The following SIPA1L3 variants were observed in gnomAD, a reference collection of about 807,000 sequenced individuals.
SIPA1L3 encodes the protein signal induced proliferation associated 1 like 3.
A neutral mutation model predicts 150.1 loss-of-function variants in SIPA1L3; 59 were observed. That is an observed-to-expected ratio of 0.39 (90% CI 0.32 to 0.49). The LOEUF is 0.49. SIPA1L3 is among the 20% of genes least tolerant of loss of function. The pLI, the probability that SIPA1L3 is intolerant of heterozygous loss-of-function variation, is 0.86. For synonymous variants in SIPA1L3, 1,070 were observed against 1,077.6 expected, an observed-to-expected ratio of 0.99 and a Z score of 0.14; for missense variants, 2,211 against 2,489.5, an observed-to-expected ratio of 0.89 and a Z score of 2.38.
At chr19:38,000,674 C>CTT (rs35100127) in intron 1 of SIPA1L3, among the ~76,000 whole-genome samples, 1,664 of 132,598 alleles carry the variant, frequency 0.013, 37 homozygotes, top group African/African-American at 0.041. Context: ...GGGCAAAAGA[C>CTT]TTTTTTTTTT....
intron 1 of SIPA1L3, among the ~76,000 whole-genome samples, chr19:37,943,055 G>A (rs926659224): frequency 3.9e-5 from 1 of 25,866 alleles, no homozygotes; most frequent in African/African-American, 1.5e-4. Context: ...TTTTTTTTTT[G>A]TAGAGACAGG....
chr19:38,017,646 C>T (rs561803641), intron 1 of SIPA1L3, among the ~76,000 whole-genome samples: 5 of 152,026 alleles, frequency 3.3e-5, no homozygotes, highest in Admixed American at 1.3e-4. Flanking sequence ...AGCCCTCAGC[C>T]TCCTGAGTAG....
intron 15 of SIPA1L3, among the ~76,000 whole-genome samples, chr19:38,180,003 G>A (rs554117031): frequency 3.9e-4 from 60 of 152,198 alleles, no homozygotes; most frequent in Non-Finnish European, 5.7e-4. Context: ...CCACCACTCA[G>A]TTAATTTTTG....
intron 1 of SIPA1L3, among the ~76,000 whole-genome samples, chr19:37,962,578 C>T (rs1244682755): frequency 6.8e-6 from 1 of 146,434 alleles, no homozygotes; most frequent in Admixed American, 7.1e-5. Flanking sequence ...AAATGATTCT[C>T]TTGCCTCAGC....
chr19:37,996,716 G>C (rs768623246), intron 1 of SIPA1L3, among the ~76,000 whole-genome samples: 45 of 151,890 alleles, frequency 3.0e-4, no homozygotes, highest in Non-Finnish European at 5.7e-4. Flanking sequence ...ATTTTTTTGA[G>C]ACAGAGTCTC....
intron 13 of SIPA1L3, among the ~76,000 whole-genome samples, chr19:38,157,966 C>T (rs1380175588): frequency 6.6e-6 from 1 of 152,134 alleles, no homozygotes; most frequent in African/African-American, 2.4e-5. Context: ...CTAGGCTGGG[C>T]ACGGTGTCTC....
chr19:38,108,501 A>G (rs1424744202), intron 7 of SIPA1L3: 3 of 152,226 alleles, frequency 2.0e-5, no homozygotes, highest in Non-Finnish European at 4.4e-5. Context: ...TAGCTGCTTT[A>G]GCGATTTGAT....
intron 1 of SIPA1L3, among the ~76,000 whole-genome samples, chr19:37,930,326 T>C (rs907883407): frequency 1.3e-5 from 2 of 150,284 alleles, no homozygotes; most frequent in African/African-American, 2.5e-5. Context: ...CCTGGCTAAT[T>C]TTTTAATCAT....
chr19:38,066,775 G>A (rs1296707865), intron 2 of SIPA1L3, among the ~76,000 whole-genome samples: 4 of 149,836 alleles, frequency 2.7e-5, no homozygotes, highest in Non-Finnish European at 4.4e-5. Context: ...TCAGTGAGCC[G>A]AGATCACGCC....
At position 38,164,865 on chromosome 19, in the gene SIPA1L3, G is replaced by C. The variant is rs756539612; in HGVS notation, c.4167G>C (p.Thr1389=). Residue 1389 remains threonine (T), a synonymous_variant, in exon 15 of 22, where the codon ACG becomes ACC. Transcript: ENST00000222345. This position sits in a 1 kb window ranked among gnomAD's most constrained non-coding sequence, Gnocchi z 4.1. ...KLYSSGSSTP[T]GLAGGSRDPP... is the part of the protein sequence containing the mutation. ...ACTCCTCCGGCTCCAGCACCCCCAC[G>C]GGACTGGCGGGGGGCAGCCGAGACC... 1.3e-6 allele frequency: 2 copies of C among 1,573,648 alleles called. No individual in the cohort carries two copies.
intron 15 of SIPA1L3, among the ~76,000 whole-genome samples, chr19:38,172,254 C>T (rs1012447247): frequency 1.3e-5 from 2 of 152,116 alleles, no homozygotes; most frequent in Non-Finnish European, 1.5e-5. Flanking sequence ...GTGGCTGCCA[C>T]GTGTCTGGAG....
In SIPA1L3 at chr19:38,161,908, G is replaced by A. The variant is rs1158298800; in HGVS notation, c.3662-345G>A. 5.3e-5 allele frequency among the ~76,000 whole-genome samples: 8 copies of A among 151,880 alleles called. No individual in the cohort carries two copies. The South Asian group carries it at 1.0e-3, about 20-fold the overall frequency. On this transcript the variant is annotated intron_variant, in intron 13 of 21. Coordinates refer to ENST00000222345, the MANE Select transcript of SIPA1L3 (RefSeq NM_015073.3). ...AAAAAAAAAATTAGCCAAGCATGGT[G>A]ATGCACACCTGTAGTCCTAGCTACT...
chr19:38,081,961 C>T lies in SIPA1L3; in HGVS notation c.396C>T (p.Ser132=). Residue 132 remains serine (S), a synonymous_variant, in exon 3 of 22, where the codon TCC becomes TCT. Transcript: ENST00000222345. The stretch of plus-strand genomic sequence containing the variant: ...AGCCCCCCACCAGCACCCCGGCTTC[C>T]TCAGGGTCCAAAGCCTTCCACCGAC... ...NGQPPTSTPA[S]SGSKAFHRLS... is the part of the protein sequence containing the mutation. The T allele has an allele frequency of 6.2e-7, 1 of 1,614,158 alleles. No homozygotes were observed. Among genetic ancestry groups the T allele is most frequent in the Non-Finnish European group, 8.5e-7 (1 of 1,179,986 alleles).
chr19:38,006,748 T>G (rs1967948831), intron 1 of SIPA1L3, among the ~76,000 whole-genome samples: 1 of 152,112 alleles, frequency 6.6e-6, no homozygotes, highest in Non-Finnish European at 1.5e-5. Context: ...GCCATTCCTG[T>G]GAGTATGACC....
chr19:38,168,454 ACT>A (rs1040081456), intron 15 of SIPA1L3, among the ~76,000 whole-genome samples: 8 of 151,760 alleles, frequency 5.3e-5, no homozygotes, highest in Admixed American at 2.0e-4. Flanking sequence ...ACGGAGTGAA[ACT>A]CTGTCTCAAA....
intron 2 of SIPA1L3, among the ~76,000 whole-genome samples, chr19:38,034,934 G>GCAGT (rs1233247408): frequency 6.6e-6 from 1 of 152,224 alleles, no homozygotes; most frequent in African/African-American, 2.4e-5. Flanking sequence ...TAGTGGGGAT[G>GCAGT]CAGTGGTGAC....
chr19:38,141,260 C>G lies in SIPA1L3; in HGVS notation c.3220C>G (p.Pro1074Ala). Residue 1074 changes from proline (P) to alanine (A), a missense_variant, in exon 11 of 22, where the codon CCC (proline) becomes GCC (alanine). This residue lies in a region of SIPA1L3 where 806 missense variants were observed against 870.1 expected (regional missense o/e 0.93). Transcript: ENST00000222345. ...GGAAAGCATCACTCCTGGGGGCCGG[C>G]CCCCCTACCGCAGCAATGCTCCCTG... is the stretch of plus-strand genomic sequence containing the variant. ...EQESITPGGR[P>A]PYRSNAPWQW... is the part of the protein sequence containing the mutation. The G allele has an allele frequency of 6.2e-7, 1 of 1,613,654 alleles. No homozygotes were observed. The highest frequency in any genetic ancestry group is 8.5e-7 in the Non-Finnish European group (1 of 1,179,802).
At chr19:38,013,155 A>G (rs1968145891) in intron 1 of SIPA1L3, among the ~76,000 whole-genome samples, 2 of 152,180 alleles carry the variant, frequency 1.3e-5, no homozygotes, top group African/African-American at 4.8e-5. Context: ...CGCTGCTAGC[A>G]GGTGCTGGGC....
At chr19:38,201,742 A>G in intron 19 of SIPA1L3, 120 bp from the exon 20 acceptor site, 1 of 1,086,148 alleles carries the variant, frequency 9.2e-7, no homozygotes, top group East Asian at 2.6e-5. Flanking sequence ...GTGCCGATGC[A>G]GTCTGTCCCA....
Sources: allele counts gnomAD v4.1 joint callset (sites outside exome capture counted in the v4.1 genomes callset), GRCh38; gene constraint gnomAD v4.1.1; regional missense constraint gnomAD v4.1.1; non-coding constraint Gnocchi (gnomAD v3.1); transcripts MANE v1.5; gene names NCBI Gene and HGNC (gene_info 2026-07-23, HGNC 2026-07-21).